C13orf42: variants seen among roughly 807,000 people sequenced by gnomAD.
C13orf42 encodes uncharacterized protein C13orf42.
chr13:51,103,906 C>T (rs563012785), intron 1 of C13orf42, among the ~76,000 whole-genome samples: 67 of 152,126 alleles, frequency 4.4e-4, no homozygotes, highest in Middle Eastern at 6.8e-3. Flanking sequence ...AGTTCGTGTT[C>T]GATGGGTGCA....
intron 1 of C13orf42, among the ~76,000 whole-genome samples, chr13:51,153,881 C>T (rs1270495356): frequency 1.3e-5 from 2 of 151,990 alleles, no homozygotes; most frequent in African/African-American, 2.4e-5. Context: ...CAATCTACCG[C>T]CTCGGCCTCC....
chr13:51,162,471 C>A (rs1235334243), intron 1 of C13orf42: 1 of 152,216 alleles, frequency 6.6e-6, no homozygotes, highest in Non-Finnish European at 1.5e-5. Flanking sequence ...ATCAGTCACT[C>A]AATTTGAAGT....
rs57050801 is a variant in C13orf42 at position 51,085,184 on chromosome 13, A to AATATATATAT, written c.803+125_803+134dup. ...GACCTCACCACCACCAGCAACAACA[A>AATATATATAT]ATATATATATATATATATATATATA... On this transcript the variant is annotated intron_variant, in intron 3 of 3. Transcript: ENST00000563710. 6.1e-4 allele frequency: 120 copies of AATATATATAT among 195,832 alleles called. 1 individual carries two copies. Among genetic ancestry groups the AATATATATAT allele is most frequent in the African/African-American group, 2.9e-3 (113 of 39,056 alleles). The allele number at this position is 195,832 out of a possible 1,614,324, so 12.1% of individuals were successfully genotyped here.
chr13:51,150,565 C>T (rs893713099), intron 1 of C13orf42, among the ~76,000 whole-genome samples: 52 of 152,322 alleles, frequency 3.4e-4, no homozygotes, highest in African/African-American at 1.2e-3. Flanking sequence ...ATACTTTCAG[C>T]AGTTCTACAA....
At chr13:51,165,815 A>G (rs1217897204) in intron 1 of C13orf42, among the ~76,000 whole-genome samples, 1 of 152,234 alleles carries the variant, frequency 6.6e-6, no homozygotes, top group Non-Finnish European at 1.5e-5. Flanking sequence ...CTTCCCAATG[A>G]TAATAAGTAA....
chr13:51,123,473 G>A (rs1200814229), intron 1 of C13orf42, among the ~76,000 whole-genome samples: 1 of 152,152 alleles, frequency 6.6e-6, no homozygotes, highest in African/African-American at 2.4e-5. Flanking sequence ...AAGTCATATG[G>A]TCTCTTCAAA....
intron 1 of C13orf42, among the ~76,000 whole-genome samples, chr13:51,118,349 A>G (rs1382693725): frequency 6.6e-6 from 1 of 152,216 alleles, no homozygotes; most frequent in Non-Finnish European, 1.5e-5. Context: ...CCTCCTCCAC[A>G]ACAGTCCTCC....
chr13:51,124,687 A>C lies in C13orf42; in HGVS notation n.137-11465T>G, dbSNP rs774437240. The stretch of plus-strand genomic sequence containing the variant: ...GTTCACAGTGGCATCTAGGCTTCTT[A>C]TCAAGCACCAGGTTTGGTAGGAGGT... On this transcript the variant is annotated intron_variant and non_coding_transcript_variant, in intron 1 of 4. Transcript: ENST00000433280. Among the ~76,000 whole-genome samples the C allele has an allele frequency of 2.6e-4, 40 of 152,328 alleles. 1 individual carries two copies. The highest frequency in any genetic ancestry group is 5.0e-4 in the Non-Finnish European group (34 of 68,028).
At chr13:51,122,429 G>GA (rs1953543210) in intron 1 of C13orf42, among the ~76,000 whole-genome samples, 1 of 151,802 alleles carries the variant, frequency 6.6e-6, no homozygotes. Context: ...AGCTACTCAG[G>GA]AGGCTGAAGC....
At chr13:51,172,287 C>T (rs1386623592) in exon 1 of C13orf42, 2 of 152,116 alleles carry the variant, frequency 1.3e-5, no homozygotes, top group South Asian at 2.1e-4. Context: ...GGAACTCTGG[C>T]CCAAGCCTCT....
At chr13:51,164,208 T>C (rs185652162) in intron 1 of C13orf42, among the ~76,000 whole-genome samples, 1 of 152,346 alleles carries the variant, frequency 6.6e-6, no homozygotes, top group East Asian at 1.9e-4. Context: ...AGAAAGTATC[T>C]TAGACATGTG....
At chr13:51,115,628 G>A (rs1377338430), upstream of C13orf42, among the ~76,000 whole-genome samples, 9 of 152,192 alleles carry the variant, frequency 5.9e-5, no homozygotes, top group Admixed American at 2.0e-4. Context: ...TGACAGGAAG[G>A]TGACTCTGAG....
At chr13:51,104,670 A>G (rs548065439) in intron 1 of C13orf42, among the ~76,000 whole-genome samples, 1 of 152,208 alleles carries the variant, frequency 6.6e-6, no homozygotes, top group African/African-American at 2.4e-5. Flanking sequence ...ATGTTTCCAA[A>G]TTAGATGGTG....
intron 1 of C13orf42, among the ~76,000 whole-genome samples, chr13:51,100,843 C>G (rs1318133456): frequency 6.6e-6 from 1 of 152,162 alleles, no homozygotes; most frequent in South Asian, 2.1e-4. Flanking sequence ...AAATGCCTTA[C>G]AGACATAGAG....
intron 1 of C13orf42, among the ~76,000 whole-genome samples, chr13:51,152,446 C>G (rs1953786430): frequency 6.6e-6 from 1 of 152,200 alleles, no homozygotes; most frequent in South Asian, 2.1e-4. Flanking sequence ...CTCCTGGGCT[C>G]TAGTGATCCT....
At chr13:51,088,916 T>A (rs890981356) in intron 1 of C13orf42, among the ~76,000 whole-genome samples, 2 of 152,190 alleles carry the variant, frequency 1.3e-5, no homozygotes, top group Non-Finnish European at 2.9e-5. Flanking sequence ...GAGTGACTGA[T>A]ACCATGGAAG....
intron 1 of C13orf42, chr13:51,162,473 A>C (rs1953873596): frequency 6.6e-6 from 1 of 152,190 alleles, no homozygotes; most frequent in Non-Finnish European, 1.5e-5. Context: ...CAGTCACTCA[A>C]TTTGAAGTCT....
At chr13:51,149,710 A>T (rs573951562) in intron 1 of C13orf42, among the ~76,000 whole-genome samples, 1 of 152,216 alleles carries the variant, frequency 6.6e-6, no homozygotes, top group East Asian at 1.9e-4. Context: ...TCCAGTGCAA[A>T]CTCATTTTGC....
intron 2 of C13orf42, among the ~76,000 whole-genome samples, chr13:51,086,863 A>G (rs371815627): frequency 2.0e-5 from 3 of 152,100 alleles, no homozygotes; most frequent in East Asian, 1.9e-4. Flanking sequence ...GAGGAGGAGG[A>G]TAAGAATAAG....
Sources: gnomAD v4.1 joint callset for allele counts (sites outside exome capture counted in the v4.1 genomes callset) on GRCh38, gnomAD v4.1.1 for gene constraint, MANE v1.5 for transcripts, NCBI Gene and HGNC (gene_info 2026-07-23, HGNC 2026-07-21) for gene names.